The following ITIH2 variants were observed in gnomAD, a reference collection of about 807,000 sequenced individuals.
The protein encoded by ITIH2 is inter-alpha-trypsin inhibitor heavy chain H2.
Under a neutral mutation model 104.4 loss-of-function variants are expected in ITIH2, and 103 were observed. The ratio of observed to expected loss-of-function variants is 0.99; its 90% confidence interval spans 0.84 to 1.16. The LOEUF is 1.16. ITIH2 is among the 50% of genes most tolerant of loss of function. The pLI, the probability that ITIH2 is intolerant of heterozygous loss-of-function variation, is 0.00. For missense variants in ITIH2, 1,108 were observed against 1,162.4 expected (o/e 0.95, Z 0.68); for synonymous variants, 436 against 435.4 (o/e 1.00, Z -0.02).
chr10:7,742,886 C>G (rs1220695382), intron 16 of ITIH2, among the ~76,000 whole-genome samples: 1 of 152,140 alleles, frequency 6.6e-6, no homozygotes, highest in Non-Finnish European at 1.5e-5. Flanking sequence ...AGTATCTAGT[C>G]TAGTGCATAC....
chr10:7,744,093 A>G lies in ITIH2; in HGVS notation c.2221A>G (p.Asn741Asp), dbSNP rs1835152387. ...VSDPESGIVV[N>D]GQLVGAKKPN... ...TTTCTTTCCTGTAGGAATTGTAGTC[A>G]ACGGTCAGCTTGTTGGTGCCAAGAA... Residue 741 changes from asparagine (N) to aspartate (D), a missense_variant, in exon 18 of 21, where the codon AAC becomes GAC. Asn to Asp is a conservative substitution (Grantham distance 23). Coordinates refer to ENST00000358415, the MANE Select transcript of ITIH2 (RefSeq NM_002216.3). 2 of 1,613,968 alleles carry G rather than the reference A, an allele frequency of 1.2e-6. No individual in the cohort carries two copies. The highest frequency in any genetic ancestry group is 3.3e-5 in the Admixed American group (2 of 60,022).
chr10:7,740,026 A>C (rs916230982), intron 16 of ITIH2, among the ~76,000 whole-genome samples: 55 of 152,242 alleles, frequency 3.6e-4, no homozygotes, highest in African/African-American at 1.3e-3. Flanking sequence ...TCTGTACTGA[A>C]AATACAAAAA....
chr10:7,708,540 A>G (rs1217253578), intron 3 of ITIH2, among the ~76,000 whole-genome samples: 1 of 152,092 alleles, frequency 6.6e-6, no homozygotes, highest in African/African-American at 2.4e-5. Flanking sequence ...GAAGGTAGAG[A>G]GCTGTAAGGG....
intron 3 of ITIH2, among the ~76,000 whole-genome samples, 193 bp from the exon 4 acceptor site, chr10:7,708,829 T>C (rs1384072653): frequency 6.6e-6 from 1 of 152,170 alleles, no homozygotes. Flanking sequence ...AAGGCAGACT[T>C]CTGCTCATTG....
At position 7,743,008 on chromosome 10, in the gene ITIH2, T is replaced by C. The variant is rs141306157; in HGVS notation, c.2096-138T>C. 5.1e-4 allele frequency: 307 copies of C among 599,304 alleles called. 2 individuals carry two copies. In the African/African-American group the frequency reaches 5.5e-3, roughly 11 times the overall value. The allele number at this position is 599,304 out of a possible 1,614,324, so 37.1% of individuals were successfully genotyped here. A position where few individuals can be genotyped will look rare whatever the true frequency, so the allele number is the denominator to read the frequency against. ...TATGAACCACTGGGTCCCCAAGACC[T>C]GGAGGAGTACCGAGCATGTAGGAGA... On this transcript the variant is annotated intron_variant, in intron 16 of 20. Coordinates refer to ENST00000358415, the MANE Select transcript of ITIH2 (RefSeq NM_002216.3).
rs557723119 is a variant in ITIH2, at chr10:7,728,059, G to A, written c.1279+231G>A. 8.5e-5 allele frequency among the ~76,000 whole-genome samples: 13 copies of A among 152,294 alleles called. 1 individual carries two copies. The East Asian group carries it at 1.9e-3, about 23-fold the overall frequency. On this transcript the variant is annotated intron_variant, in intron 11 of 20. Transcript: ENST00000358415. ...TGCCTCAGTTCCACCTCCACAATATGCAGAAATCTGAGTCTGAATTTTAAT... is the reference window on the plus strand; with the variant it reads ...TGCCTCAGTTCCACCTCCACAATATACAGAAATCTGAGTCTGAATTTTAAT...
rs1195110115 is a variant in ITIH2, at chr10:7,737,562, ATAT to A, written c.1958-1055_1958-1053del. 3.8e-5 allele frequency among the ~76,000 whole-genome samples: 5 copies of A among 130,568 alleles called. No individual in the cohort carries two copies. The East Asian group carries it at 6.8e-4, about 18-fold the overall frequency. The allele number at this position is 130,568 out of a possible 152,430, so 85.7% of individuals were successfully genotyped here. On this transcript the variant is annotated intron_variant, in intron 15 of 20. Transcript: ENST00000358415. ...TAATATATATTATGTATTCTATATA[ATAT>A]TATATATTAAATTCTATATTCTATA...
intron 12 of ITIH2, among the ~76,000 whole-genome samples, chr10:7,730,400 A>T (rs1834991662): frequency 6.6e-6 from 1 of 152,354 alleles, no homozygotes; most frequent in South Asian, 2.1e-4. Flanking sequence ...TCTGAGCGTC[A>T]TCAAAGCTCC....
intron 20 of ITIH2, 53 bp from the exon 21 acceptor site, chr10:7,749,134 T>C: frequency 6.4e-7 from 1 of 1,555,334 alleles, no homozygotes; most frequent in Non-Finnish European, 8.8e-7. Flanking sequence ...GAGGGAGTCT[T>C]GTGTCTAGAG....
chr10:7,738,600 G>T (rs1310511003), intron 15 of ITIH2, 21 bp from the exon 16 acceptor site: 7 of 1,612,084 alleles, frequency 4.3e-6, no homozygotes, highest in Non-Finnish European at 5.9e-6. Flanking sequence ...GAAACTAACA[G>T]ATGCAGGTTT....
chr10:7,733,926 G>A (rs746407222), intron 14 of ITIH2, among the ~76,000 whole-genome samples: 2 of 151,734 alleles, frequency 1.3e-5, no homozygotes, highest in African/African-American at 2.4e-5. Flanking sequence ...TGAAGTAAAC[G>A]AGAAATAGCT....
chr10:7,743,502 G>C (rs146978382), intron 17 of ITIH2, among the ~76,000 whole-genome samples: 297 of 152,176 alleles, frequency 2.0e-3, no homozygotes, highest in African/African-American at 6.9e-3. Context: ...AGCCAGGAAC[G>C]GTGGCTTACA....
At chr10:7,728,585 G>T (rs938852001) in intron 11 of ITIH2, among the ~76,000 whole-genome samples, 2 of 151,034 alleles carry the variant, frequency 1.3e-5, no homozygotes, top group African/African-American at 4.9e-5. Flanking sequence ...TTGGAGAGAC[G>T]AAGTCTCACT....
chr10:7,709,178 T>A lies in ITIH2; in HGVS notation c.349T>A (p.Ser117Thr). Reference protein sequence around the residue: ...DVQIPKGAFISNFSMTVDGKT... With the variant: ...DVQIPKGAFITNFSMTVDGKT... ...TCAGATCCCCAAAGGAGCATTCATT[T>A]CCAACTTCTCCATGTGAGTAACTTC... The change falls in exon 4 of 21, where the codon TCC becomes ACC. Residue 117 changes from serine (S) to threonine (T), a missense_variant. Ser to Thr is a moderately conservative substitution (Grantham distance 58, BLOSUM62 1). Coordinates refer to ENST00000358415, the MANE Select transcript of ITIH2 (RefSeq NM_002216.3). 1 of 1,614,128 alleles carries A rather than the reference T, an allele frequency of 6.2e-7. No homozygotes were observed. The highest frequency in any genetic ancestry group is 8.5e-7 in the Non-Finnish European group (1 of 1,179,988).
rs762946782 is a variant in ITIH2 at position 7,705,214 on chromosome 10, A to G, written c.159+32A>G. 52 of 1,393,284 alleles carry G rather than the reference A, an allele frequency of 3.7e-5. No individual in the cohort carries two copies. In the South Asian group the frequency reaches 6.3e-4, roughly 17 times the overall value. The allele number at this position is 1,393,284 out of a possible 1,614,324, so 86.3% of individuals were successfully genotyped here. A position where few individuals can be genotyped will look rare whatever the true frequency, so the allele number is the denominator to read the frequency against. ...TAAGGTTTACTCCCAAAAGGGGGAA[A>G]AAAAGTGAAAGAGATTATGGCAGAA... On this transcript the variant is annotated intron_variant, in intron 2 of 20. Transcript: ENST00000358415.
intron 5 of ITIH2, 40 bp from the exon 6 acceptor site, chr10:7,717,586 C>A: frequency 6.3e-7 from 1 of 1,593,324 alleles, no homozygotes; most frequent in Middle Eastern, 1.7e-4. Flanking sequence ...GCTGCTCAAT[C>A]ATGTATCTGT....
intron 12 of ITIH2, 140 bp from the exon 13 acceptor site, chr10:7,731,671 G>C: frequency 1.9e-6 from 1 of 524,682 alleles, no homozygotes; most frequent in Non-Finnish European, 3.1e-6. Flanking sequence ...ATTGCAGTGA[G>C]ACGAGATCCC....
At chr10:7,740,019 G>A (rs905656783) in intron 16 of ITIH2, among the ~76,000 whole-genome samples, 1 of 152,086 alleles carries the variant, frequency 6.6e-6, no homozygotes, top group African/African-American at 2.4e-5. Context: ...AACCCTGTCT[G>A]TACTGAAAAT....
chr10:7,744,822 G>C lies in ITIH2; in HGVS notation c.2440G>C (p.Val814Leu). Residue 814 changes from valine (V) to leucine (L), a missense_variant, in exon 19 of 21, where the codon GTA becomes CTA. Transcript: ENST00000358415. ...VQISVKKEKV[V>L]TITLDKEMSF... ...GATCTCAGTGAAGAAAGAAAAAGTG[G>C]TAACTATCACCCTGGATAAAGAGAT... The C allele has an allele frequency of 6.2e-7, 1 of 1,612,784 alleles. No homozygotes were observed. The highest frequency in any genetic ancestry group is 1.1e-5 in the South Asian group (1 of 90,880).
Sources: allele counts gnomAD v4.1 joint callset (sites outside exome capture counted in the v4.1 genomes callset), GRCh38; gene constraint gnomAD v4.1.1; transcripts MANE v1.5; gene names NCBI Gene and HGNC (gene_info 2026-07-23, HGNC 2026-07-21).